RP1: variants seen among roughly 807,000 people sequenced by gnomAD.
The protein encoded by RP1 is RP1 axonemal microtubule associated.
RP1 carries 16 observed loss-of-function variants against 14.8 expected under a neutral mutation model. The ratio of observed to expected loss-of-function variants is 1.08; its 90% CI spans 0.73 to 1.65. The LOEUF (loss-of-function observed/expected upper bound fraction) is 1.65. Ranked by LOEUF, RP1 falls within the 40% of genes most tolerant of loss-of-function variation. RP1 has a pLI of 0.00. For missense variants in RP1, 2,631 were observed against 2,535.0 expected (o/e 1.04, Z -0.81); for synonymous variants, 876 against 883.6 (o/e 0.99, Z 0.15).
intron 27 of RP1, among the ~76,000 whole-genome samples, chr8:54,857,535 G>A (rs910192586): frequency 6.6e-6 from 1 of 151,658 alleles, no homozygotes; most frequent in African/African-American, 2.4e-5. Context: ...TATATTTAAT[G>A]TAAATTTATG....
chr8:54,738,283 T>C (rs575583264), intron 18 of RP1, among the ~76,000 whole-genome samples: 2 of 152,332 alleles, frequency 1.3e-5, no homozygotes, highest in South Asian at 2.1e-4. Flanking sequence ...AAACATATTT[T>C]ACTCCGTTTG....
At chr8:54,864,147 T>C (rs988233535) in intron 27 of RP1, among the ~76,000 whole-genome samples, 1 of 152,186 alleles carries the variant, frequency 6.6e-6, no homozygotes, top group African/African-American at 2.4e-5. Flanking sequence ...AGACTGTAGA[T>C]TCGCAGCAAG....
intron 22 of RP1, among the ~76,000 whole-genome samples, chr8:54,764,564 T>A (rs938509952): frequency 6.6e-6 from 1 of 152,252 alleles, no homozygotes; most frequent in Admixed American, 6.5e-5. Context: ...TGTGTGTTTA[T>A]GTGTCTGTCC....
At chr8:54,774,757 G>A (rs1307900192), downstream of RP1, among the ~76,000 whole-genome samples, 1 of 152,112 alleles carries the variant, frequency 6.6e-6, no homozygotes, top group Non-Finnish European at 1.5e-5. Context: ...CACTGAAACA[G>A]TAATAAAATA....
At chr8:54,682,191 C>T (rs1807451940) in intron 12 of RP1, among the ~76,000 whole-genome samples, 4 of 152,072 alleles carry the variant, frequency 2.6e-5, no homozygotes, top group Admixed American at 2.0e-4. Flanking sequence ...TTCTCTGCAA[C>T]CTCACCAGCA....
At chr8:54,867,926 C>T (rs1812495679) in intron 28 of RP1, among the ~76,000 whole-genome samples, 1 of 152,128 alleles carries the variant, frequency 6.6e-6, no homozygotes, top group Non-Finnish European at 1.5e-5. Flanking sequence ...TGGTTAGTGA[C>T]TACCATATTG....
intron 24 of RP1, among the ~76,000 whole-genome samples, chr8:54,785,132 C>T (rs1810288080): frequency 1.3e-5 from 2 of 151,964 alleles, no homozygotes; most frequent in Admixed American, 1.3e-4. Context: ...TTCATCACTC[C>T]AAAAAGAAGG....
At chr8:54,868,114 CA>C (rs1309610533) in intron 28 of RP1, among the ~76,000 whole-genome samples, 2 of 152,054 alleles carry the variant, frequency 1.3e-5, no homozygotes, top group African/African-American at 4.8e-5. Flanking sequence ...TTAGCAAAGT[CA>C]AAAGGCATCC....
Position 54,629,715 on chromosome 8 carries a change from A to C in RP1, c.5833A>C (p.Asn1945His), listed in dbSNP as rs771315553. ...ATATCGCAAAGAATCTGATATTGAA[A>C]ATTTCTTGGGTTTTTATTTATGGAT... ...FAYRKESDIE[N>H]FLGFYLWMKI... Residue 1945 changes from asparagine to histidine, a missense_variant, in exon 4 of 4, where the codon AAT (asparagine) becomes CAT (histidine). Coordinates refer to ENST00000220676, the MANE Select transcript of RP1 (RefSeq NM_006269.2). 6.2e-7 allele frequency: 1 copy of C among 1,612,244 alleles called. No individual in the cohort carries two copies. The highest frequency in any genetic ancestry group is 2.2e-5 in the East Asian group (1 of 44,858).
intron 1 of RP1, among the ~76,000 whole-genome samples, chr8:54,606,336 A>G (rs1303721314): frequency 1.3e-5 from 2 of 152,068 alleles, no homozygotes; most frequent in Non-Finnish European, 2.9e-5. Context: ...TTCTGAGTTG[A>G]AAATTCTTTT....
At position 54,643,656 on chromosome 8, in the gene RP1, T is replaced by C. The variant is rs545154491; in HGVS notation, c.788-5329T>C. On this transcript the variant is annotated intron_variant, in intron 3 of 22. Transcript: ENST00000636932. Reference sequence around the variant, plus strand: ...GAGTAACTTAAAAGAACAGATTTATTCTCACAGTTCTGAAGGCTAGAAGTC... The same window carrying C: ...GAGTAACTTAAAAGAACAGATTTATCCTCACAGTTCTGAAGGCTAGAAGTC... Among the ~76,000 whole-genome samples the C allele has an allele frequency of 4.0e-4, 61 of 152,306 alleles. No homozygotes were observed. In the South Asian group the frequency reaches 0.011, roughly 28 times the overall value.
intron 22 of RP1, among the ~76,000 whole-genome samples, chr8:54,760,964 G>C (rs1348387821): frequency 6.6e-6 from 1 of 152,100 alleles, no homozygotes; most frequent in Non-Finnish European, 1.5e-5. Flanking sequence ...GAGGACTTGG[G>C]TGTCATTTCC....
chr8:54,625,243 T>G lies in RP1; in HGVS notation c.1361T>G (p.Leu454Arg), dbSNP rs781361064. The G allele has an allele frequency of 3.7e-6, 6 of 1,614,160 alleles. No homozygotes were observed. Among genetic ancestry groups the G allele is most frequent in the Non-Finnish European group, 5.1e-6 (6 of 1,180,030 alleles). ...HRFYRPPTPG[L>R]RRVRQKKSVI... ...TTTTATAGGCCCCCTACACCTGGAC[T>G]AAGAAGAGTGAGACAAAAGAAATCT... Residue 454 changes from leucine (L) to arginine (R), a missense_variant, in exon 4 of 4, where the codon CTA becomes CGA. Physicochemically the swap from Leu to Arg is moderately radical, Grantham distance 102. Transcript: ENST00000220676.
chr8:54,751,883 T>A (rs921546911), intron 19 of RP1, among the ~76,000 whole-genome samples: 9 of 152,198 alleles, frequency 5.9e-5, no homozygotes, highest in African/African-American at 2.2e-4. Context: ...GCCCTCACTG[T>A]GGAGGCTTTT....
At position 54,629,090 on chromosome 8, in the gene RP1, G is replaced by A; in HGVS notation, c.5208G>A (p.Glu1736=). Residue 1736 remains glutamate, a synonymous_variant, in exon 4 of 4, where the codon GAG becomes GAA. Coordinates refer to ENST00000220676, the MANE Select transcript of RP1 (RefSeq NM_006269.2). The stretch of plus-strand genomic sequence containing the variant: ...ATAGCAGAATCCTCACAGACATAGA[G>A]GAAGGAGTACTGATTGACAAAGGCA... ...NDDSRILTDI[E]EGVLIDKGKW... 6.2e-7 allele frequency: 1 copy of A among 1,614,090 alleles called. No individual in the cohort carries two copies. The highest frequency in any genetic ancestry group is 1.7e-5 in the Admixed American group (1 of 60,024).
chr8:54,829,996 G>T (rs768161003), intron 24 of RP1, among the ~76,000 whole-genome samples: 2 of 152,104 alleles, frequency 1.3e-5, no homozygotes, highest in African/African-American at 4.8e-5. Context: ...TAAAAAAAGA[G>T]TATGTATTCT....
chr8:54,623,939 G>T (rs1480317988), intron 3 of RP1, among the ~76,000 whole-genome samples: 5 of 152,068 alleles, frequency 3.3e-5, no homozygotes, highest in Non-Finnish European at 5.9e-5. Flanking sequence ...ACAAAACAAC[G>T]AAATGAAAAC....
chr8:54,772,728 G>A (rs1014590417), downstream of RP1, among the ~76,000 whole-genome samples: 1 of 152,160 alleles, frequency 6.6e-6, no homozygotes, highest in African/African-American at 2.4e-5. Flanking sequence ...TTCAACTTCA[G>A]GGATTGTACT....
intron 24 of RP1, among the ~76,000 whole-genome samples, chr8:54,800,327 T>G (rs953640879): frequency 4.4e-4 from 66 of 151,626 alleles, no homozygotes; most frequent in Middle Eastern, 3.4e-3. Flanking sequence ...GTTGGGGGGG[T>G]GTGTGTATGG....
Sources: gnomAD v4.1 joint callset for allele counts (sites outside exome capture counted in the v4.1 genomes callset) on GRCh38, gnomAD v4.1.1 for gene constraint, MANE v1.5 for transcripts, NCBI Gene and HGNC (gene_info 2026-07-23, HGNC 2026-07-21) for gene names.